Variants in STON1 observed in about 807,000 individuals in gnomAD.
STON1 encodes the protein stonin 1, also known as stonin-1.
STON1 carries 79 observed loss-of-function variants against 60.9 expected under a neutral mutation model. The ratio of observed to expected loss-of-function variants is 1.30; its 90% CI spans 1.08 to 1.56. The LOEUF (loss-of-function observed/expected upper bound fraction) is 1.56, where lower values mean the gene tolerates loss of function less well. Ranked by LOEUF, STON1 falls within the 40% of genes most tolerant of loss-of-function variation. The probability of loss-of-function intolerance (pLI) is 0.00; values close to 1 mark genes in which losing one functional copy is unlikely to be tolerated. For synonymous variants in STON1, 363 were observed against 306.9 expected, an observed-to-expected ratio of 1.18 and a Z score of -1.91; for missense variants, 1,166 against 858.9, an observed-to-expected ratio of 1.36 and a Z score of -4.47.
At chr2:48,575,535 C>T (rs1413889675) in intron 1 of STON1, among the ~76,000 whole-genome samples, 1 of 151,802 alleles carries the variant, frequency 6.6e-6, no homozygotes. Flanking sequence ...TGCCTGTAAT[C>T]CCAGCTACTC....
At chr2:48,551,243 A>G (rs990727767) in intron 1 of STON1, among the ~76,000 whole-genome samples, 2 of 152,160 alleles carry the variant, frequency 1.3e-5, no homozygotes, top group Admixed American at 1.3e-4. Context: ...GTTGGACTAT[A>G]GATGGGTGTT....
At chr2:48,548,313 C>G (rs1671943596) in intron 1 of STON1, among the ~76,000 whole-genome samples, 1 of 152,170 alleles carries the variant, frequency 6.6e-6, no homozygotes, top group Non-Finnish European at 1.5e-5. Flanking sequence ...GGGAGACTTC[C>G]TTTCCTTCCA....
At position 48,581,587 on chromosome 2, in the gene STON1, A is replaced by T. The variant is rs149077948; in HGVS notation, c.954A>T (p.Pro318=). The part of the protein sequence containing the change: ...QMYYEQGLEK[P]FKEIQLDPYC... ...ATTATGAACAGGGATTAGAAAAACC[A>T]TTTAAAGAGATACAGCTTGATCCAT... is the stretch of plus-strand genomic sequence containing the variant. The change falls in exon 2 of 4, where the codon CCA becomes CCT. Residue 318 remains proline (P), a synonymous_variant. Coordinates refer to ENST00000404752, the MANE Select transcript of STON1 (RefSeq NM_006873.4). 2 of 1,614,100 alleles carry T rather than the reference A, an allele frequency of 1.2e-6. No homozygotes were observed. The highest frequency in any genetic ancestry group is 2.7e-5 in the African/African-American group (2 of 74,926).
chr2:48,540,674 C>T (rs893767625), intron 1 of STON1, among the ~76,000 whole-genome samples: 6 of 152,170 alleles, frequency 3.9e-5, no homozygotes, highest in African/African-American at 9.7e-5. Context: ...CCAGCAAATT[C>T]GCTGAACCCA....
chr2:48,591,976 G>C, intron 3 of STON1, 121 bp downstream of exon 3: 5 of 1,361,478 alleles, frequency 3.7e-6, no homozygotes, highest in South Asian at 3.1e-5. Flanking sequence ...TTGCCCTAGA[G>C]AGGATCTCAG....
At chr2:48,571,150 C>G (rs1673190206) in intron 1 of STON1, among the ~76,000 whole-genome samples, 1 of 152,176 alleles carries the variant, frequency 6.6e-6, no homozygotes, top group South Asian at 2.1e-4. Flanking sequence ...GCCACTGTGA[C>G]TGGCCTTGTC....
chr2:48,590,251 T>A (rs1013135884), intron 2 of STON1, among the ~76,000 whole-genome samples: 1 of 152,230 alleles, frequency 6.6e-6, no homozygotes, highest in Non-Finnish European at 1.5e-5. Context: ...TTCCTGTAAG[T>A]GGTAGAGATG....
At chr2:48,558,235 G>C (rs756456607) in intron 1 of STON1, among the ~76,000 whole-genome samples, 3 of 152,190 alleles carry the variant, frequency 2.0e-5, no homozygotes, top group Non-Finnish European at 4.4e-5. Flanking sequence ...TCAAAATAGA[G>C]AAAGAAAAAA....
In STON1 at chr2:48,557,344, G is replaced by A. The variant is rs56019357; in HGVS notation, c.-47-23243G>A. ...CTCCTCACATCCCAGATGGGGCGGCGGGGCAGAGGCGCTCCCCACATCTCA... is the reference window on the plus strand; with the variant it reads ...CTCCTCACATCCCAGATGGGGCGGCAGGGCAGAGGCGCTCCCCACATCTCA... On this transcript the variant is annotated intron_variant, in intron 1 of 3. Coordinates refer to ENST00000404752, the MANE Select transcript of STON1 (RefSeq NM_006873.4). Among the ~76,000 whole-genome samples, 13 of 96,102 alleles carry A rather than the reference G, an allele frequency of 1.4e-4. No homozygotes were observed. In the South Asian group the frequency reaches 4.3e-3, roughly 32 times the overall value. The allele number at this position is 96,102 out of a possible 152,430, so 63.0% of individuals were successfully genotyped here.
intron 1 of STON1, among the ~76,000 whole-genome samples, chr2:48,546,311 C>T (rs533630935): frequency 2.6e-5 from 4 of 152,252 alleles, no homozygotes; most frequent in Admixed American, 2.0e-4. Flanking sequence ...CCTGCATTAA[C>T]TCCTGGCTCC....
intron 1 of STON1, among the ~76,000 whole-genome samples, chr2:48,554,549 G>A (rs1229422234): frequency 1.3e-5 from 2 of 152,136 alleles, no homozygotes; most frequent in Non-Finnish European, 2.9e-5. Context: ...TGGACTCAGA[G>A]TTGGGAGGAA....
At chr2:48,594,822 A>G (rs555703829) in intron 3 of STON1, among the ~76,000 whole-genome samples, 1 of 152,178 alleles carries the variant, frequency 6.6e-6, no homozygotes, top group East Asian at 1.9e-4. Flanking sequence ...TTTCAATTAG[A>G]TAATTTTGGG....
intron 1 of STON1, among the ~76,000 whole-genome samples, chr2:48,537,427 T>C (rs1316721997): frequency 1.3e-5 from 2 of 152,234 alleles, no homozygotes; most frequent in African/African-American, 2.4e-5. Flanking sequence ...AGCGTATTAA[T>C]TGTGTTGAAA....
intron 1 of STON1, among the ~76,000 whole-genome samples, chr2:48,564,077 A>G (rs1409869385): frequency 2.0e-5 from 3 of 152,106 alleles, no homozygotes; most frequent in Admixed American, 1.3e-4. Context: ...AAGGATTGCC[A>G]TGAAGAGACC....
intron 1 of STON1, among the ~76,000 whole-genome samples, chr2:48,536,547 TAA>T (rs540312014): frequency 9.3e-4 from 96 of 102,896 alleles, no homozygotes; most frequent in African/African-American, 3.2e-3. Flanking sequence ...GATGCCATCT[TAA>T]AAAAAAAAAA....
At chr2:48,575,764 T>G (rs1304885843) in intron 1 of STON1, among the ~76,000 whole-genome samples, 3 of 146,888 alleles carry the variant, frequency 2.0e-5, no homozygotes, top group Non-Finnish European at 3.0e-5. Context: ...TGTTTGTTTT[T>G]TTTTTTTTTT....
chr2:48,547,073 G>A (rs1320759980), intron 1 of STON1, among the ~76,000 whole-genome samples: 1 of 152,216 alleles, frequency 6.6e-6, no homozygotes, highest in African/African-American at 2.4e-5. Flanking sequence ...GAGGCATAAT[G>A]TAACCTTACT....
rs368923173 is a variant in STON1 at position 48,557,341 on chromosome 2, G to A, written c.-47-23246G>A. 1.6e-4 allele frequency among the ~76,000 whole-genome samples: 15 copies of A among 95,698 alleles called. 1 individual carries two copies. Among genetic ancestry groups the A allele is most frequent in the African/African-American group, 3.8e-4 (10 of 26,616 alleles). 62.8% of individuals were successfully genotyped at this position (95,698 alleles called of 152,430 possible). On this transcript the variant is annotated intron_variant, in intron 1 of 3. Transcript: ENST00000404752. The stretch of plus-strand genomic sequence containing the variant: ...GCGCTCCTCACATCCCAGATGGGGC[G>A]GCGGGGCAGAGGCGCTCCCCACATC...
rs77435030 is a variant in STON1 at position 48,586,910 on chromosome 2, T to C, written c.1930+4347T>C. On this transcript the variant is annotated intron_variant, in intron 2 of 3. Transcript: ENST00000404752. ...ATTCAGGGGAGGTGCCCCTAAGTGA[T>C]GACAGATTCTCTATGGGCATGAGGG... is the stretch of plus-strand genomic sequence containing the variant. Among the ~76,000 whole-genome samples, 1,109 of 152,140 alleles carry C rather than the reference T, an allele frequency of 7.3e-3. 11 individuals are homozygous for C. Among genetic ancestry groups the C allele is most frequent in the Non-Finnish European group, 0.01 (682 of 67,962 alleles).
Sources: gnomAD v4.1 joint callset for allele counts (sites outside exome capture counted in the v4.1 genomes callset) on GRCh38, gnomAD v4.1.1 for gene constraint, MANE v1.5 for transcripts, NCBI Gene and HGNC (gene_info 2026-07-23, HGNC 2026-07-21) for gene names.